The following STIL variants were observed in gnomAD, a reference collection of about 807,000 sequenced individuals.
The protein encoded by STIL is SCL-interrupting locus protein.
In STIL, 55 loss-of-function variants were observed where a neutral mutation model predicts 110.1. The observed-to-expected ratio is 0.50, with a 90% CI of 0.40 to 0.63. The LOEUF (loss-of-function observed/expected upper bound fraction) is 0.63. Ranked by LOEUF, STIL falls within the 20% of genes least tolerant of loss-of-function variation. The pLI is 0.00. For synonymous variants in STIL, 481 were observed against 530.0 expected (o/e 0.91, Z 1.27); for missense variants, 1,358 against 1,530.0 (o/e 0.89, Z 1.87).
chr1:47,302,998 A>G (rs1645850775), intron 3 of STIL, among the ~76,000 whole-genome samples: 1 of 152,202 alleles, frequency 6.6e-6, no homozygotes, highest in South Asian at 2.1e-4. Context: ...ACTGTATTGA[A>G]TACAAAATAT....
chr1:47,299,760 A>G (rs1311900420), intron 6 of STIL, 145 bp downstream of exon 6: 3 of 915,498 alleles, frequency 3.3e-6, no homozygotes, highest in South Asian at 3.4e-5. Flanking sequence ...AAAATAAACC[A>G]TTTCATTTTT....
chr1:47,274,078 A>T (rs559784643), intron 12 of STIL, among the ~76,000 whole-genome samples: 1 of 128,786 alleles, frequency 7.8e-6, no homozygotes, highest in African/African-American at 3.1e-5. Flanking sequence ...GCCAGGTCCC[A>T]TACTAAGTAA....
At chr1:47,304,040 T>C (rs1645881954) in intron 3 of STIL, among the ~76,000 whole-genome samples, 1 of 152,134 alleles carries the variant, frequency 6.6e-6, no homozygotes, top group African/African-American at 2.4e-5. Flanking sequence ...ATTATTATAG[T>C]CATTTTATAA....
chr1:47,295,070 C>T (rs1158870036), intron 7 of STIL, among the ~76,000 whole-genome samples: 1 of 151,936 alleles, frequency 6.6e-6, no homozygotes, highest in African/African-American at 2.4e-5. Context: ...TACAGGCACG[C>T]ACCACCATGC....
At chr1:47,309,430 C>T (rs959089858) in intron 2 of STIL, among the ~76,000 whole-genome samples, 16 of 151,918 alleles carry the variant, frequency 1.1e-4, no homozygotes, top group African/African-American at 2.9e-4. Flanking sequence ...CCTTGCCCAC[C>T]GACAAATTTT....
intron 16 of STIL, among the ~76,000 whole-genome samples, chr1:47,252,717 G>A (rs1285450006): frequency 6.6e-6 from 1 of 150,616 alleles, no homozygotes; most frequent in Non-Finnish European, 1.5e-5. Flanking sequence ...ATTGTTCATA[G>A]TTGAAGAGAT....
rs901237151 is a variant in STIL at position 47,308,671 on chromosome 1, A to C, written c.44+1605T>G. Among the ~76,000 whole-genome samples the C allele has an allele frequency of 1.2e-4, 18 of 152,120 alleles. No individual in the cohort carries two copies. The South Asian group carries it at 1.5e-3, about 12-fold the overall frequency. On this transcript the variant is annotated intron_variant, in intron 2 of 16. Coordinates refer to ENST00000371877, the MANE Select transcript of STIL (RefSeq NM_001048166.1). ...CAGTTAATGGGTTTAAAAAAAAAAA[A>C]CCAGAAAGAATGATTAAGACCTATT...
chr1:47,291,014 C>A (rs1226676026), intron 8 of STIL, among the ~76,000 whole-genome samples: 1 of 152,156 alleles, frequency 6.6e-6, no homozygotes, highest in Non-Finnish European at 1.5e-5. Context: ...CCCCAGACAG[C>A]CACAAGGCTT....
chr1:47,274,395 A>ATC (rs781651201), intron 12 of STIL, among the ~76,000 whole-genome samples: 2 of 148,946 alleles, frequency 1.3e-5, no homozygotes, highest in Admixed American at 6.8e-5. Flanking sequence ...GCAGTGGCGT[A>ATC]TCTCAGCTCA....
intron 2 of STIL, among the ~76,000 whole-genome samples, chr1:47,308,742 G>A (rs752725701): frequency 6.6e-6 from 1 of 151,850 alleles, no homozygotes; most frequent in Non-Finnish European, 1.5e-5. Context: ...CAACTTAAAA[G>A]TAATAAATAA....
At position 47,251,055 on chromosome 1, in the gene STIL, C is replaced by A. The variant is rs1644168332; in HGVS notation, c.*81G>T. ...ACAGTGACTCCAGAATGATCAGGAG[C>A]CTTGTGGTAGGCTCCTGTTTTCCCT... On this transcript the variant is annotated 3_prime_UTR_variant, in exon 17 of 17. Transcript: ENST00000371877. 2 of 1,378,012 alleles carry A rather than the reference C, an allele frequency of 1.5e-6. No individual in the cohort carries two copies. Among genetic ancestry groups the A allele is most frequent in the Non-Finnish European group, 2.0e-6 (2 of 1,002,002 alleles). 85.4% of individuals were successfully genotyped at this position (1,378,012 alleles called of 1,614,324 possible).
At chr1:47,301,471 T>C in intron 5 of STIL, 90 bp downstream of exon 5, 1 of 1,357,650 alleles carries the variant, frequency 7.4e-7, no homozygotes, top group Non-Finnish European at 1.0e-6. Context: ...TTGTAAATCA[T>C]TCTCAAATAT....
chr1:47,257,756 T>G (rs557112215), intron 16 of STIL, among the ~76,000 whole-genome samples: 2 of 152,318 alleles, frequency 1.3e-5, no homozygotes, highest in South Asian at 4.1e-4. Flanking sequence ...TTCCATTTCA[T>G]AGCAGGCATA....
Position 47,257,743 on chromosome 1 carries a change from T to A in STIL, c.3080+2546A>T, listed in dbSNP as rs1644366481. On this transcript the variant is annotated intron_variant, in intron 16 of 16. Transcript: ENST00000371877. ...CTATGTGATTCCATGGCATTCCCTA[T>A]CCTTCCATTTCATAGCAGGCATAAA... Among the ~76,000 whole-genome samples the A allele has an allele frequency of 1.3e-5, 2 of 152,214 alleles. 1 individual carries two copies. The highest frequency in any genetic ancestry group is 4.1e-4 in the South Asian group (2 of 4,832).
intron 12 of STIL, among the ~76,000 whole-genome samples, chr1:47,278,235 T>A (rs1294563925): frequency 1.3e-5 from 2 of 152,132 alleles, no homozygotes; most frequent in Non-Finnish European, 2.9e-5. Context: ...AAATAATCAA[T>A]AGGAGAACAA....
At chr1:47,264,360 G>A (rs958502734) in intron 14 of STIL, among the ~76,000 whole-genome samples, 1 of 152,094 alleles carries the variant, frequency 6.6e-6, no homozygotes, top group Non-Finnish European at 1.5e-5. Context: ...ACACTCTTTA[G>A]GGGGAAGAAA....
intron 16 of STIL, among the ~76,000 whole-genome samples, chr1:47,256,638 AAT>A (rs1553168637): frequency 7.2e-4 from 109 of 151,070 alleles, no homozygotes; most frequent in African/African-American, 2.3e-3. Flanking sequence ...AAAAAAAAAA[AAT>A]CTTGCTGAAA....
At chr1:47,301,451 A>C in intron 5 of STIL, 110 bp downstream of exon 5, 1 of 1,258,264 alleles carries the variant, frequency 7.9e-7, no homozygotes, top group South Asian at 1.2e-5. Flanking sequence ...ACAATAATTC[A>C]ACCAAATTAT....
At chr1:47,302,033 A>C (rs1645819158) in intron 4 of STIL, among the ~76,000 whole-genome samples, 1 of 152,208 alleles carries the variant, frequency 6.6e-6, no homozygotes, top group Non-Finnish European at 1.5e-5. Flanking sequence ...GCGCAAAGCA[A>C]ATACAATAGT....
Sources: allele counts gnomAD v4.1 joint callset (sites outside exome capture counted in the v4.1 genomes callset), GRCh38; gene constraint gnomAD v4.1.1; transcripts MANE v1.5; gene names NCBI Gene and HGNC (gene_info 2026-07-23, HGNC 2026-07-21).